CNTNAP2: variants seen among roughly 807,000 people sequenced by gnomAD.
CNTNAP2 encodes contactin-associated protein-like 2.
A neutral mutation model predicts 155.2 loss-of-function variants in CNTNAP2; 98 were observed. The observed-to-expected ratio is 0.63, with a 90% CI of 0.54 to 0.75. CNTNAP2 has a LOEUF of 0.75. CNTNAP2 is among the 30% of genes least tolerant of loss of function. The pLI, the probability that CNTNAP2 is intolerant of heterozygous loss-of-function variation, is 0.00. For synonymous variants in CNTNAP2, 651 were observed against 631.2 expected, an observed-to-expected ratio of 1.03 and a Z score of -0.47; for missense variants, 1,727 against 1,688.1, an observed-to-expected ratio of 1.02 and a Z score of -0.40.
intron 1 of CNTNAP2, among the ~76,000 whole-genome samples, chr7:146,628,519 G>A (rs989629297): frequency 7.2e-5 from 11 of 151,926 alleles, no homozygotes; most frequent in Non-Finnish European, 1.2e-4. Context: ...AATTATGTCA[G>A]GTAATGCATA....
intron 3 of CNTNAP2, among the ~76,000 whole-genome samples, chr7:146,921,927 G>A (rs1796508396): frequency 6.6e-6 from 1 of 152,088 alleles, no homozygotes; most frequent in African/African-American, 2.4e-5. Flanking sequence ...GAATCTAGAG[G>A]AAGAAAGAGA....
chr7:147,025,853 T>G (rs953036787), intron 3 of CNTNAP2, among the ~76,000 whole-genome samples: 186 of 97,096 alleles, frequency 1.9e-3, no homozygotes, highest in African/African-American at 6.8e-3. Context: ...TTGCTGTTGT[T>G]TTTTTTTTTT....
At chr7:147,586,166 A>C (rs1800615146) in intron 12 of CNTNAP2, among the ~76,000 whole-genome samples, 1 of 152,150 alleles carries the variant, frequency 6.6e-6, no homozygotes, top group South Asian at 2.1e-4. Context: ...AGAGAAAGCA[A>C]TGTCTGGGTT....
rs537640948 is a variant in CNTNAP2, at chr7:148,415,740, C to A, written c.*124C>A. On this transcript the variant is annotated 3_prime_UTR_variant, in exon 24 of 24. Transcript: ENST00000361727. ...AAATATCAGCACAAGTTGGGGGAGG[C>A]AGGCAATGGAATATAATGGAATATT... The A allele has an allele frequency of 7.5e-6, 8 of 1,062,038 alleles. No individual in the cohort carries two copies. The African/African-American group carries it at 8.0e-5, about 11-fold the overall frequency. The allele number at this position is 1,062,038 out of a possible 1,614,324, so 65.8% of individuals were successfully genotyped here. A position where few individuals can be genotyped will look rare whatever the true frequency, so the allele number is the denominator to read the frequency against.
intron 1 of CNTNAP2, among the ~76,000 whole-genome samples, chr7:146,191,115 C>T (rs940522719): frequency 1.8e-4 from 27 of 152,002 alleles, no homozygotes; most frequent in African/African-American, 5.8e-4. Context: ...TTTCAGATAT[C>T]GGGGGAACCA....
intron 1 of CNTNAP2, among the ~76,000 whole-genome samples, chr7:146,184,456 A>G (rs971209784): frequency 6.6e-6 from 1 of 152,200 alleles, no homozygotes; most frequent in Admixed American, 6.5e-5. Flanking sequence ...ATAATACTGT[A>G]TGATGCTAAT....
chr7:146,248,480 T>C (rs1424263792), intron 1 of CNTNAP2, among the ~76,000 whole-genome samples: 1 of 152,156 alleles, frequency 6.6e-6, no homozygotes, highest in Non-Finnish European at 1.5e-5. Context: ...CTGCCTTCCC[T>C]AGTCCATGAC....
At chr7:146,494,026 T>C (rs1335360703) in intron 1 of CNTNAP2, among the ~76,000 whole-genome samples, 2 of 151,942 alleles carry the variant, frequency 1.3e-5, no homozygotes, top group African/African-American at 4.8e-5. Context: ...TTGAAGTAAA[T>C]AAAAAATTTA....
chr7:147,003,816 C>G (rs564065630), intron 3 of CNTNAP2, among the ~76,000 whole-genome samples: 1 of 151,934 alleles, frequency 6.6e-6, no homozygotes, highest in South Asian at 2.1e-4. Context: ...CTGTTTGAGG[C>G]TGGGAGTTCA....
intron 8 of CNTNAP2, among the ~76,000 whole-genome samples, chr7:147,214,430 A>G (rs758790851): frequency 3.3e-5 from 5 of 152,118 alleles, no homozygotes; most frequent in Non-Finnish European, 7.4e-5. Context: ...GAGATAATAA[A>G]TATTTTCTAC....
chr7:148,185,359 G>T (rs1795100071), intron 18 of CNTNAP2, among the ~76,000 whole-genome samples: 1 of 152,142 alleles, frequency 6.6e-6, no homozygotes, highest in Non-Finnish European at 1.5e-5. Flanking sequence ...AATAAGAATG[G>T]ATTCTAAAAC....
At chr7:147,293,741 A>C (rs899900766) in intron 8 of CNTNAP2, among the ~76,000 whole-genome samples, 7 of 152,128 alleles carry the variant, frequency 4.6e-5, no homozygotes, top group African/African-American at 1.7e-4. Context: ...CTTCTTGTTC[A>C]ATCAAAGCAA....
chr7:146,779,608 C>G (rs924108283), intron 2 of CNTNAP2, among the ~76,000 whole-genome samples: 1 of 152,110 alleles, frequency 6.6e-6, no homozygotes, highest in Non-Finnish European at 1.5e-5. Context: ...AATGTAGATC[C>G]TGAATAATTT....
intron 3 of CNTNAP2, among the ~76,000 whole-genome samples, chr7:146,937,107 G>A (rs540174423): frequency 1.3e-5 from 2 of 152,200 alleles, no homozygotes; most frequent in Non-Finnish European, 2.9e-5. Context: ...GTGAAAACCG[G>A]CCGGGCGCAG....
intron 14 of CNTNAP2, among the ~76,000 whole-genome samples, chr7:147,951,651 G>A (rs976198119): frequency 6.6e-6 from 1 of 151,980 alleles, no homozygotes; most frequent in Non-Finnish European, 1.5e-5. Flanking sequence ...CTAGACCTTG[G>A]GTGGGGGGAA....
chr7:146,334,430 CA>C (rs1179295401), intron 1 of CNTNAP2, among the ~76,000 whole-genome samples: 345 of 94,030 alleles, frequency 3.7e-3, no homozygotes, highest in Middle Eastern at 5.7e-3. Context: ...GACTCCGTCT[CA>C]AAAAAAAAAA....
At chr7:147,748,091 C>G (rs753824913) in intron 13 of CNTNAP2, among the ~76,000 whole-genome samples, 1 of 152,200 alleles carries the variant, frequency 6.6e-6, no homozygotes, top group African/African-American at 2.4e-5. Context: ...GAAAAGAACA[C>G]TCTCATTTAT....
chr7:147,542,584 A>T (rs533243625), intron 11 of CNTNAP2, among the ~76,000 whole-genome samples: 12 of 152,186 alleles, frequency 7.9e-5, no homozygotes, highest in Non-Finnish European at 1.6e-4. Context: ...TCATATGCTT[A>T]TGTTAAGTTT....
intron 1 of CNTNAP2, among the ~76,000 whole-genome samples, chr7:146,289,841 A>G (rs1386386518): frequency 6.6e-6 from 1 of 152,176 alleles, no homozygotes; most frequent in Non-Finnish European, 1.5e-5. Context: ...CTTTCTGTCA[A>G]ACATTCTAAA....
Sources: allele counts gnomAD v4.1 joint callset (sites outside exome capture counted in the v4.1 genomes callset), GRCh38; gene constraint gnomAD v4.1.1; transcripts MANE v1.5; gene names NCBI Gene and HGNC (gene_info 2026-07-23, HGNC 2026-07-21).